CNTNAP2: variants seen among roughly 807,000 people sequenced by gnomAD.
The protein encoded by CNTNAP2 is contactin associated protein 2, also known as contactin-associated protein-like 2.
A neutral mutation model predicts 155.2 loss-of-function variants in CNTNAP2; 98 were observed. The observed-to-expected ratio is 0.63, with a 90% CI of 0.54 to 0.75. The LOEUF is 0.75. CNTNAP2 is among the 30% of genes least tolerant of loss of function. The pLI, the probability that CNTNAP2 is intolerant of heterozygous loss-of-function variation, is 0.00. For missense variants in CNTNAP2, 1,727 were observed against 1,688.1 expected (o/e 1.02, Z -0.40); for synonymous variants, 651 against 631.2 (o/e 1.03, Z -0.47).
rs186538186 is a variant in CNTNAP2, at chr7:146,632,101, C to T, written c.98-142170C>T. ...CTCACAGGAGTGATGATGGACATGT[C>T]ACTATGCGTCTGTATGCTTTAGTTT... is the stretch of plus-strand genomic sequence containing the variant. On this transcript the variant is annotated intron_variant, in intron 1 of 23. Coordinates refer to ENST00000361727, the MANE Select transcript of CNTNAP2 (RefSeq NM_014141.6). Among the ~76,000 whole-genome samples, 132 of 152,272 alleles carry T rather than the reference C, an allele frequency of 8.7e-4. 1 individual carries two copies. The highest frequency in any genetic ancestry group is 2.9e-3 in the African/African-American group (122 of 41,560).
chr7:148,226,504 A>G (rs1795852227), intron 19 of CNTNAP2, among the ~76,000 whole-genome samples: 1 of 152,196 alleles, frequency 6.6e-6, no homozygotes, highest in Non-Finnish European at 1.5e-5. Flanking sequence ...AAACATCTGG[A>G]GCTGGTGATC....
intron 1 of CNTNAP2, among the ~76,000 whole-genome samples, chr7:146,400,577 G>C (rs1238105677): frequency 6.6e-6 from 1 of 152,214 alleles, no homozygotes. Flanking sequence ...TATTTTTGCA[G>C]AACTGCTGAG....
In CNTNAP2 at chr7:147,599,519, G is replaced by A. The variant is rs906679838; in HGVS notation, c.1897+37262G>A. On this transcript the variant is annotated intron_variant, in intron 12 of 23. Coordinates refer to ENST00000361727, the MANE Select transcript of CNTNAP2 (RefSeq NM_014141.6). ...AAAAAAAAAAAATACCATGAACTAGGTGACAAAATAACAGAAATTTATCCT... is the reference window on the plus strand; with the variant it reads ...AAAAAAAAAAAATACCATGAACTAGATGACAAAATAACAGAAATTTATCCT... 5.3e-5 allele frequency among the ~76,000 whole-genome samples: 8 copies of A among 149,736 alleles called. No individual in the cohort carries two copies. In the South Asian group the frequency reaches 1.5e-3, roughly 28 times the overall value.
At chr7:147,415,707 A>C (rs1306646440) in intron 10 of CNTNAP2, among the ~76,000 whole-genome samples, 1 of 152,228 alleles carries the variant, frequency 6.6e-6, no homozygotes, top group Non-Finnish European at 1.5e-5. Flanking sequence ...ACAACTTGTA[A>C]AGCTACACAT....
At chr7:147,460,971 A>T (rs1423783432) in intron 10 of CNTNAP2, among the ~76,000 whole-genome samples, 1 of 152,150 alleles carries the variant, frequency 6.6e-6, no homozygotes, top group Non-Finnish European at 1.5e-5. Context: ...TTTTTGGTGG[A>T]GAAGAAGTTG....
intron 15 of CNTNAP2, among the ~76,000 whole-genome samples, chr7:148,062,934 A>G (rs1221389452): frequency 2.0e-5 from 3 of 152,096 alleles, no homozygotes. Context: ...ACCACAAATA[A>G]TCAATACAAG....
chr7:146,227,238 C>T (rs1799308202), intron 1 of CNTNAP2, among the ~76,000 whole-genome samples: 3 of 151,902 alleles, frequency 2.0e-5, no homozygotes, highest in Middle Eastern at 3.4e-3. Context: ...CCAGCCTGAA[C>T]GATATAGTAA....
At chr7:147,436,678 C>A (rs1421613863) in intron 10 of CNTNAP2, among the ~76,000 whole-genome samples, 1 of 152,140 alleles carries the variant, frequency 6.6e-6, no homozygotes, top group Non-Finnish European at 1.5e-5. Flanking sequence ...TTTTTAAGAG[C>A]TGGGATGGGA....
intron 10 of CNTNAP2, among the ~76,000 whole-genome samples, chr7:147,440,685 G>GA (rs1380092426): frequency 2.3e-4 from 35 of 152,056 alleles, no homozygotes; most frequent in Non-Finnish European, 5.9e-5. Context: ...GTTTGTCTGG[G>GA]AAAAATCTTT....
At chr7:148,200,929 G>A (rs1439943502) in intron 18 of CNTNAP2, among the ~76,000 whole-genome samples, 1 of 152,142 alleles carries the variant, frequency 6.6e-6, no homozygotes, top group Non-Finnish European at 1.5e-5. Flanking sequence ...ATAAATGGTA[G>A]AGCCTTTGTA....
chr7:147,325,254 C>T lies in CNTNAP2; in HGVS notation c.1498+24964C>T, dbSNP rs867782998. The stretch of plus-strand genomic sequence containing the variant: ...GGTGGAGGTTGCAGTGAGCCGAGAT[C>T]GCGCCACTACACTCCAGTCTGGGAT... On this transcript the variant is annotated intron_variant, in intron 9 of 23. Coordinates refer to ENST00000361727, the MANE Select transcript of CNTNAP2 (RefSeq NM_014141.6). Among the ~76,000 whole-genome samples, 6 of 152,192 alleles carry T rather than the reference C, an allele frequency of 3.9e-5. No homozygotes were observed. In the South Asian group the frequency reaches 8.3e-4, roughly 21 times the overall value.
intron 1 of CNTNAP2, among the ~76,000 whole-genome samples, chr7:146,563,966 A>T (rs1798319100): frequency 6.6e-6 from 1 of 152,120 alleles, no homozygotes; most frequent in Non-Finnish European, 1.5e-5. Flanking sequence ...TATTGCTGAG[A>T]TTCTTGTATT....
At chr7:147,289,876 GA>G (rs1805262908) in intron 8 of CNTNAP2, among the ~76,000 whole-genome samples, 1 of 152,052 alleles carries the variant, frequency 6.6e-6, no homozygotes, top group South Asian at 2.1e-4. Context: ...TGATGACGTA[GA>G]AAACACAGCA....
intron 5 of CNTNAP2, among the ~76,000 whole-genome samples, chr7:147,116,100 C>G (rs916289273): frequency 5.9e-5 from 9 of 152,140 alleles, no homozygotes; most frequent in African/African-American, 1.9e-4. Context: ...GGAGTCCACT[C>G]GAGACACTAG....
chr7:147,502,125 G>A (rs4726879), intron 11 of CNTNAP2, among the ~76,000 whole-genome samples: 2 of 152,074 alleles, frequency 1.3e-5, no homozygotes, highest in African/African-American at 4.8e-5. Context: ...GAGTTTAACA[G>A]TTAGTCCCAC....
At chr7:148,053,610 C>A (rs1273495700) in intron 15 of CNTNAP2, among the ~76,000 whole-genome samples, 1 of 152,106 alleles carries the variant, frequency 6.6e-6, no homozygotes, top group African/African-American at 2.4e-5. Flanking sequence ...CCGTACTTTA[C>A]CTGCTTTGGC....
At chr7:148,221,009 T>G (rs146002896) in intron 19 of CNTNAP2, among the ~76,000 whole-genome samples, 2 of 152,236 alleles carry the variant, frequency 1.3e-5, no homozygotes, top group East Asian at 3.9e-4. Flanking sequence ...CATACTTTTA[T>G]TGTCTGCTCC....
intron 10 of CNTNAP2, among the ~76,000 whole-genome samples, chr7:147,413,906 T>C (rs1432846624): frequency 6.6e-6 from 1 of 152,186 alleles, no homozygotes; most frequent in Admixed American, 6.5e-5. Flanking sequence ...TATTTTCTTT[T>C]CCCTTACCAT....
chr7:147,562,885 G>C (rs532332613), intron 12 of CNTNAP2, among the ~76,000 whole-genome samples: 1 of 152,214 alleles, frequency 6.6e-6, no homozygotes, highest in South Asian at 2.1e-4. Flanking sequence ...CAGACACTTG[G>C]CAATATCTTA....
Sources: gnomAD v4.1 joint callset for allele counts (sites outside exome capture counted in the v4.1 genomes callset) on GRCh38, gnomAD v4.1.1 for gene constraint, MANE v1.5 for transcripts, NCBI Gene and HGNC (gene_info 2026-07-23, HGNC 2026-07-21) for gene names.